SEMA3A: variants seen among roughly 807,000 people sequenced by gnomAD.
The protein encoded by SEMA3A is semaphorin-3A.
Under a neutral mutation model 97.9 loss-of-function variants are expected in SEMA3A, and 29 were observed. The ratio of observed to expected loss-of-function variants is 0.30; its 90% CI spans 0.22 to 0.40. The LOEUF is 0.40. Among genes scored for constraint, SEMA3A ranks in the 10% least tolerant of loss-of-function variants. The probability of loss-of-function intolerance (pLI) is 1.00; values close to 1 mark genes in which losing one functional copy is unlikely to be tolerated. For missense variants in SEMA3A, 763 were observed against 951.3 expected, an observed-to-expected ratio of 0.80 and a Z score of 2.60; for synonymous variants, 321 against 323.7, an observed-to-expected ratio of 0.99 and a Z score of 0.09.
At chr7:84,344,091 T>G (rs1285055601) in intron 2 of SEMA3A, among the ~76,000 whole-genome samples, 1 of 152,164 alleles carries the variant, frequency 6.6e-6, no homozygotes, top group East Asian at 1.9e-4. Flanking sequence ...AAAAAATACA[T>G]TAATACTTAT....
rs183132892 is a variant in SEMA3A, at chr7:84,453,178, A to G, written c.-246+39282T>C. Among the ~76,000 whole-genome samples, 398 of 152,270 alleles carry G rather than the reference A, an allele frequency of 2.6e-3. 1 individual carries two copies. The highest frequency in any genetic ancestry group is 6.8e-3 in the Middle Eastern group (2 of 294). ...ACTGCTAAGCAAATTCAACAGTGAC[A>G]AACGTGGAAAGAGAGATGAATCTAA... On this transcript the variant is annotated intron_variant, in intron 1 of 3. Transcript: ENST00000424555.
At chr7:83,985,388 G>A in intron 13 of SEMA3A, 48 bp downstream of exon 13, 2 of 1,355,090 alleles carry the variant, frequency 1.5e-6, no homozygotes, top group Non-Finnish European at 2.1e-6. Context: ...TGAAACACCA[G>A]AATTAACAAA....
At chr7:84,064,209 A>G (rs1438497922) in intron 4 of SEMA3A, among the ~76,000 whole-genome samples, 1 of 152,034 alleles carries the variant, frequency 6.6e-6, no homozygotes, top group Non-Finnish European at 1.5e-5. Flanking sequence ...CTTTACAGAC[A>G]AGCAAATGCT....
chr7:84,332,571 T>C (rs982504564), intron 2 of SEMA3A, among the ~76,000 whole-genome samples: 2 of 152,122 alleles, frequency 1.3e-5, no homozygotes, highest in African/African-American at 4.8e-5. Flanking sequence ...ATCCTTGTTT[T>C]CTTTCAGTGG....
At chr7:83,968,400 T>C (rs574000078) in intron 15 of SEMA3A, among the ~76,000 whole-genome samples, 9 of 152,352 alleles carry the variant, frequency 5.9e-5, no homozygotes, top group African/African-American at 1.7e-4. Flanking sequence ...TGATATGATA[T>C]TGATTGCATT....
chr7:84,024,115 CTT>C (rs1314653254), intron 6 of SEMA3A, among the ~76,000 whole-genome samples: 1 of 152,034 alleles, frequency 6.6e-6, no homozygotes, highest in African/African-American at 2.4e-5. Flanking sequence ...AAGGAAAACT[CTT>C]TCAGAAAGCA....
At chr7:84,369,599 A>C (rs902695820) in intron 2 of SEMA3A, among the ~76,000 whole-genome samples, 1 of 151,018 alleles carries the variant, frequency 6.6e-6, no homozygotes, top group Non-Finnish European at 1.5e-5. Flanking sequence ...AAGACAACAC[A>C]TTCCTAACCT....
chr7:84,347,504 C>T (rs1228762238), intron 2 of SEMA3A, among the ~76,000 whole-genome samples: 3 of 151,704 alleles, frequency 2.0e-5, no homozygotes, highest in African/African-American at 7.3e-5. Context: ...CTCTGCCTCC[C>T]GGGTTCAAGT....
chr7:84,392,639 A>G (rs894638731), intron 1 of SEMA3A, among the ~76,000 whole-genome samples: 3 of 152,110 alleles, frequency 2.0e-5, no homozygotes, highest in African/African-American at 4.8e-5. Context: ...ACCTTCATAC[A>G]ATTTTCCATA....
intron 2 of SEMA3A, among the ~76,000 whole-genome samples, chr7:84,343,079 A>G (rs1802210516): frequency 6.6e-6 from 1 of 152,236 alleles, no homozygotes; most frequent in Non-Finnish European, 1.5e-5. Context: ...TACCACTAAC[A>G]TTCATAGACC....
chr7:84,103,699 G>T lies in SEMA3A; in HGVS notation c.453+6771C>A, dbSNP rs146491307. On this transcript the variant is annotated intron_variant, in intron 4 of 16. Transcript: ENST00000265362. ...CACTCTTAAACTTTGGTTTTAAAAT[G>T]AAGTTATTTACACAAGGAGACAAAG... is the stretch of plus-strand genomic sequence containing the variant. Among the ~76,000 whole-genome samples, 983 of 152,010 alleles carry T rather than the reference G, an allele frequency of 6.5e-3. 6 individuals carry two copies. Among genetic ancestry groups the T allele is most frequent in the African/African-American group, 0.022 (916 of 41,472 alleles).
chr7:84,321,733 G>C (rs573123594), intron 2 of SEMA3A, among the ~76,000 whole-genome samples: 1 of 151,492 alleles, frequency 6.6e-6, no homozygotes, highest in African/African-American at 2.4e-5. Flanking sequence ...AAAATTAGCC[G>C]GGCGTGGTGG....
At chr7:84,221,569 C>T (rs1487669476) in intron 3 of SEMA3A, among the ~76,000 whole-genome samples, 2 of 151,960 alleles carry the variant, frequency 1.3e-5, no homozygotes, top group African/African-American at 4.8e-5. Context: ...CTCTTAGAAG[C>T]CAATGTAGAA....
chr7:84,005,539 C>A lies in SEMA3A; in HGVS notation c.1160G>T (p.Gly387Val). The A allele has an allele frequency of 6.2e-7, 1 of 1,612,068 alleles. No homozygotes were observed. Among genetic ancestry groups the A allele is most frequent in the Non-Finnish European group, 8.5e-7 (1 of 1,178,494 alleles). Residue 387 changes from glycine (G) to valine (V), a missense_variant, in exon 11 of 17, where the codon GGT becomes GTT. This residue lies in a region of SEMA3A where 678 missense variants were observed against 881.3 expected (regional missense o/e 0.77). Coordinates refer to ENST00000265362, the MANE Select transcript of SEMA3A (RefSeq NM_006080.3). ...AAGGTCCTTTGTAGAGTCAAAACCA[C>A]CAAATGTTTTGCTGGGACACTATTA... ...RPGTCPSKTF[G>V]GFDSTKDLPD...
At chr7:84,245,656 C>T (rs1201158581) in intron 3 of SEMA3A, among the ~76,000 whole-genome samples, 1 of 151,876 alleles carries the variant, frequency 6.6e-6, no homozygotes, top group Non-Finnish European at 1.5e-5. Flanking sequence ...ACTCCAGACC[C>T]TGTTTGCCTG....
intron 1 of SEMA3A, among the ~76,000 whole-genome samples, chr7:84,154,389 GT>G (rs1796768888): frequency 6.6e-6 from 1 of 151,964 alleles, no homozygotes; most frequent in Non-Finnish European, 1.5e-5. Flanking sequence ...ATAAAGACAG[GT>G]GATGACGCCG....
intron 1 of SEMA3A, among the ~76,000 whole-genome samples, chr7:84,403,592 GCCT>G (rs1175254164): frequency 5.9e-5 from 9 of 152,196 alleles, no homozygotes; most frequent in Non-Finnish European, 1.3e-4. Flanking sequence ...CGGGCAGACT[GCCT>G]CCTCAAGTGG....
At chr7:84,000,676 A>AGAG (rs1227926417) in intron 12 of SEMA3A, among the ~76,000 whole-genome samples, 1 of 152,130 alleles carries the variant, frequency 6.6e-6, no homozygotes, top group African/African-American at 2.4e-5. Flanking sequence ...CTATGACTGT[A>AGAG]GAGTCTAAAC....
intron 6 of SEMA3A, among the ~76,000 whole-genome samples, chr7:84,041,965 A>T (rs1562991365): frequency 6.6e-6 from 1 of 152,162 alleles, no homozygotes; most frequent in Non-Finnish European, 1.5e-5. Flanking sequence ...GTCTCCAAAG[A>T]TAGTAAGATC....
Sources: allele counts gnomAD v4.1 joint callset (sites outside exome capture counted in the v4.1 genomes callset), GRCh38; gene constraint gnomAD v4.1.1; regional missense constraint gnomAD v4.1.1; transcripts MANE v1.5; gene names NCBI Gene and HGNC (gene_info 2026-07-23, HGNC 2026-07-21).